Variants in CC2D1A observed in about 807,000 individuals in gnomAD.
CC2D1A encodes the protein coiled-coil and C2 domain-containing protein 1A.
In CC2D1A, 68 loss-of-function variants were observed where a neutral mutation model predicts 123.8. That is an observed-to-expected ratio of 0.55 (90% CI 0.45 to 0.67). CC2D1A has a LOEUF of 0.67. Among genes scored for constraint, CC2D1A ranks in the 30% least tolerant of loss-of-function variants. The probability of loss-of-function intolerance (pLI) is 0.00; values close to 1 mark genes in which losing one functional copy is unlikely to be tolerated. For missense variants in CC2D1A, 1,185 were observed against 1,290.3 expected (o/e 0.92, Z 1.25); for synonymous variants, 477 against 528.0 (o/e 0.90, Z 1.32).
intron 6 of CC2D1A, 72 bp downstream of exon 6, chr19:13,913,710 G>A: frequency 8.7e-7 from 1 of 1,155,216 alleles, no homozygotes; most frequent in Non-Finnish European, 1.2e-6. Flanking sequence ...CTCTAGGGGG[G>A]TGCCGGCTGT....
rs748026508 is a variant in CC2D1A, at chr19:13,928,037, C to A, written c.2454+7C>A. 1.7e-5 allele frequency: 27 copies of A among 1,610,598 alleles called. No individual in the cohort carries two copies. The highest frequency in any genetic ancestry group is 3.3e-5 in the Admixed American group (2 of 59,822). Reference sequence around the variant, plus strand: ...GCCGGCAGCTGTGCCCACAGTGAGACCCCCCACCCCCACCCATCAGCAACC... The same window carrying A: ...GCCGGCAGCTGTGCCCACAGTGAGAACCCCCACCCCCACCCATCAGCAACC... On this transcript the variant is annotated splice_region_variant and intron_variant, in intron 23 of 28. Transcript: ENST00000318003.
Position 13,927,885 on chromosome 19 carries a change from C to A in CC2D1A, c.2317-8C>A. 6.2e-7 allele frequency: 1 copy of A among 1,613,104 alleles called. No homozygotes were observed. Among genetic ancestry groups the A allele is most frequent in the South Asian group, 1.1e-5 (1 of 91,070 alleles). ...TCCCACCAACAGTTTCTCCTTACCCCCACCCAGGTCCTGGATGGTCGCCGG... is the reference window on the plus strand; with the variant it reads ...TCCCACCAACAGTTTCTCCTTACCCACACCCAGGTCCTGGATGGTCGCCGG... On this transcript the variant is annotated splice_region_variant and splice_polypyrimidine_tract_variant and intron_variant, in intron 22 of 28. Coordinates refer to ENST00000318003, the MANE Select transcript of CC2D1A (RefSeq NM_017721.5).
At position 13,911,118 on chromosome 19, in the gene CC2D1A, C is replaced by T. The variant is rs191846003; in HGVS notation, c.196+1160C>T. Among the ~76,000 whole-genome samples the T allele has an allele frequency of 1.4e-4, 21 of 148,956 alleles. No homozygotes were observed. In the East Asian group the frequency reaches 3.8e-3, roughly 27 times the overall value. ...GTGCATGCCTGTAATCCCAGCTACT[C>T]GGGAGGCTGAGGCAGGAAGATCACT... is the stretch of plus-strand genomic sequence containing the variant. On this transcript the variant is annotated intron_variant, in intron 2 of 28. Transcript: ENST00000318003.
In CC2D1A at chr19:13,926,832, G is replaced by C; in HGVS notation, c.2085G>C (p.Gln695His). ...CTCTCTGGTCATAGGAAGAAGCTCA[G>C]AAAGACAAGACCAGTGTGATCAAGA... ...DFPYPNVEEA[Q>H]KDKTSVIKNT... Residue 695 changes from glutamine (Q) to histidine (H), a missense_variant, in exon 20 of 29, where the codon CAG (glutamine) becomes CAC (histidine). Transcript: ENST00000318003. 4 of 1,614,108 alleles carry C rather than the reference G, an allele frequency of 2.5e-6. No homozygotes were observed. Among genetic ancestry groups the C allele is most frequent in the Non-Finnish European group, 3.4e-6 (4 of 1,180,022 alleles).
Position 13,923,845 on chromosome 19 carries a change from C to A in CC2D1A, c.1940+34C>A. The A allele has an allele frequency of 6.6e-7, 1 of 1,512,796 alleles. No individual in the cohort carries two copies. Among genetic ancestry groups the A allele is most frequent in the Non-Finnish European group, 9.2e-7 (1 of 1,088,766 alleles). 93.7% of individuals were successfully genotyped at this position (1,512,796 alleles called of 1,614,324 possible). The stretch of plus-strand genomic sequence containing the variant: ...CCTGATCTACGCCCCACCACGTGGC[C>A]CCAGTGGCCCTTTGGTGGCGGTGGG... On this transcript the variant is annotated intron_variant, in intron 17 of 28. Coordinates refer to ENST00000318003, the MANE Select transcript of CC2D1A (RefSeq NM_017721.5). This position sits in a 1 kb window ranked among gnomAD's most constrained non-coding sequence, Gnocchi z 5.3.
chr19:13,906,671 C>T lies in CC2D1A; in HGVS notation c.60+170C>T, dbSNP rs1163758718. Among the ~76,000 whole-genome samples, 4 of 152,228 alleles carry T rather than the reference C, an allele frequency of 2.6e-5. No individual in the cohort carries two copies. Among genetic ancestry groups the T allele is most frequent in the African/African-American group, 9.6e-5 (4 of 41,468 alleles). The stretch of plus-strand genomic sequence containing the variant: ...CACCACCCAAGTGTGGCCTACTGGC[C>T]TTGGCTCCCCAGCTCCTGGGGCCCT... On this transcript the variant is annotated intron_variant, in intron 1 of 28. Transcript: ENST00000318003. This position sits in a 1 kb window ranked among gnomAD's most constrained non-coding sequence, Gnocchi z 4.1.
chr19:13,912,299 C>A, intron 2 of CC2D1A, 24 bp from the exon 3 acceptor site: 2 of 1,570,816 alleles, frequency 1.3e-6, no homozygotes, highest in South Asian at 1.2e-5. Context: ...CCCTGGTCCA[C>A]CTGGGGCATC....
intron 2 of CC2D1A, among the ~76,000 whole-genome samples, chr19:13,910,432 A>G (rs1001058022): frequency 4.8e-5 from 7 of 147,064 alleles, no homozygotes; most frequent in African/African-American, 1.8e-4. Context: ...AAAAAAAAAG[A>G]TCAAGTCTGG....
rs779297750 is a variant in CC2D1A, at chr19:13,919,009, G to A, written c.1116G>A (p.Gln372=). The A allele has an allele frequency of 1.9e-6, 3 of 1,608,482 alleles. No individual in the cohort carries two copies. In the Admixed American group the frequency reaches 5.1e-5, roughly 27 times the overall value. ...AAAQAKSKGD[Q]RKARMHERIV... ...CCCAGGCCAAGAGCAAGGGGGACCAGCGGAAAGCTCGAATGCACGAGCGCA... is the reference window on the plus strand; with the variant it reads ...CCCAGGCCAAGAGCAAGGGGGACCAACGGAAAGCTCGAATGCACGAGCGCA... Residue 372 remains glutamine (Q), a synonymous_variant, in exon 10 of 29, where the codon CAG becomes CAA. Transcript: ENST00000318003.
At chr19:13,918,449 A>G (rs1971282764) in intron 7 of CC2D1A, 55 bp from the exon 8 acceptor site, 1 of 1,536,136 alleles carries the variant, frequency 6.5e-7, no homozygotes, top group South Asian at 1.2e-5. Flanking sequence ...GGCTCCCCAC[A>G]GGGTCCAAGC....
chr19:13,910,287 A>C (rs1468971553), intron 2 of CC2D1A, among the ~76,000 whole-genome samples: 1 of 151,254 alleles, frequency 6.6e-6, no homozygotes, highest in Middle Eastern at 3.4e-3. Context: ...GGGCGCCTGT[A>C]GTCCCAGCTA....
chr19:13,920,274 A>AT (rs60800737), intron 12 of CC2D1A: 3 of 496,600 alleles, frequency 6.0e-6, no homozygotes, highest in Non-Finnish European at 7.0e-6. Context: ...AAAAAAAAAA[A>AT]GTGTTTGGTG....
Position 13,917,701 on chromosome 19 carries a change from A to G in CC2D1A, c.749-369A>G, listed in dbSNP as rs867060874. On this transcript the variant is annotated intron_variant, in intron 6 of 28. Transcript: ENST00000318003. The stretch of plus-strand genomic sequence containing the variant: ...CAGTCTCAAAAAATACATTAAAGCC[A>G]GGCGCGGTGGTTCACACCTATAATC... 5.3e-5 allele frequency among the ~76,000 whole-genome samples: 8 copies of G among 151,976 alleles called. No homozygotes were observed. In the Middle Eastern group the frequency reaches 0.014, roughly 260 times the overall value.
intron 1 of CC2D1A, among the ~76,000 whole-genome samples, chr19:13,909,131 G>A (rs1218384187): frequency 1.3e-5 from 2 of 152,076 alleles, no homozygotes; most frequent in Non-Finnish European, 2.9e-5. Context: ...CCAGCACTTT[G>A]GGAGGCCGAG....
At chr19:13,907,482 G>T (rs1234673918) in intron 1 of CC2D1A, among the ~76,000 whole-genome samples, 2 of 151,898 alleles carry the variant, frequency 1.3e-5, no homozygotes, top group African/African-American at 4.8e-5. Context: ...CAGCACTTTG[G>T]GAGGCCATGG....
chr19:13,929,143 A>ACAGGAGCACACCACCATGCC (rs1193223194), intron 24 of CC2D1A, among the ~76,000 whole-genome samples: 1 of 151,366 alleles, frequency 6.6e-6, no homozygotes, highest in Non-Finnish European at 1.5e-5. Context: ...AGCTGGGACT[A>ACAGGAGCACACCACCATGCC]CAGGAGCACA....
Position 13,926,719 on chromosome 19 carries a change from C to G in CC2D1A, c.2067C>G (p.Pro689=), listed in dbSNP as rs1971656805. ...DVFVRFDFPY[P]NVEEAQKDKT... ...TTGTTCGGTTTGACTTCCCCTATCCCAACGTGGTACGTGGGGAGCTGAGGA... is the reference window on the plus strand; with the variant it reads ...TTGTTCGGTTTGACTTCCCCTATCCGAACGTGGTACGTGGGGAGCTGAGGA... Residue 689 remains proline, a synonymous_variant, in exon 19 of 29, where the codon CCC becomes CCG. Coordinates refer to ENST00000318003, the MANE Select transcript of CC2D1A (RefSeq NM_017721.5). 4 of 1,614,158 alleles carry G rather than the reference C, an allele frequency of 2.5e-6. No individual in the cohort carries two copies. The highest frequency in any genetic ancestry group is 3.4e-6 in the Non-Finnish European group (4 of 1,180,018).
chr19:13,918,386 C>T (rs1599389632), intron 7 of CC2D1A, 118 bp from the exon 8 acceptor site: 1 of 1,166,018 alleles, frequency 8.6e-7, no homozygotes, highest in East Asian at 2.6e-5. Context: ...AGCAAGATGG[C>T]ACAAATGGAA....
At chr19:13,921,096 C>CTG in intron 14 of CC2D1A, among the ~76,000 whole-genome samples, 174 bp downstream of exon 14, 1 of 152,326 alleles carries the variant, frequency 6.6e-6, no homozygotes, top group African/African-American at 2.4e-5. Context: ...CTTGCATGTA[C>CTG]CACCCAGGGC....
Sources: gnomAD v4.1 joint callset for allele counts (sites outside exome capture counted in the v4.1 genomes callset) on GRCh38, gnomAD v4.1.1 for gene constraint, Gnocchi (gnomAD v3.1) non-coding constraint, MANE v1.5 for transcripts, NCBI Gene and HGNC (gene_info 2026-07-23, HGNC 2026-07-21) for gene names.